PHF24: variants seen among roughly 807,000 people sequenced by gnomAD.
PHF24 encodes the protein Galpha inhibitory interacting protein.
PHF24 carries 25 observed loss-of-function variants against 42.6 expected under a neutral mutation model. The ratio of observed to expected loss-of-function variants is 0.59; its 90% CI spans 0.43 to 0.82. The LOEUF (loss-of-function observed/expected upper bound fraction) is 0.82, where lower values mean the gene tolerates loss of function less well. Ranked by LOEUF, PHF24 falls within the 40% of genes least tolerant of loss-of-function variation. The pLI is 0.00. For missense variants in PHF24, 470 were observed against 538.1 expected, an observed-to-expected ratio of 0.87 and a Z score of 1.25; for synonymous variants, 185 against 204.8, an observed-to-expected ratio of 0.90 and a Z score of 0.83.
chr9:34,751,012 C>T, the PHF24 span, among the ~76,000 whole-genome samples: 1 of 152,134 alleles, frequency 6.6e-6, no homozygotes, highest in Non-Finnish European at 1.5e-5. Flanking sequence ...TATAAAGACA[C>T]ATATGGGCTG....
intron 1 of PHF24, among the ~76,000 whole-genome samples, chr9:34,963,621 G>C (rs1375384098): frequency 6.6e-6 from 1 of 152,216 alleles, no homozygotes; most frequent in Non-Finnish European, 1.5e-5. Context: ...ATAGTCCACA[G>C]GACACAGCAT....
chr9:34,806,617 C>A, the PHF24 span, among the ~76,000 whole-genome samples: 2 of 152,066 alleles, frequency 1.3e-5, no homozygotes, highest in African/African-American at 2.4e-5. Context: ...TGCCACCATG[C>A]CAAGCTAATT....
chr9:34,965,692 G>A (rs576741125), intron 1 of PHF24, among the ~76,000 whole-genome samples: 23 of 152,250 alleles, frequency 1.5e-4, no homozygotes, highest in African/African-American at 5.3e-4. Context: ...GGGTTGTAGC[G>A]GATCTACAGT....
the PHF24 span, among the ~76,000 whole-genome samples, chr9:34,798,202 A>G: frequency 6.6e-6 from 1 of 152,172 alleles, no homozygotes; most frequent in Non-Finnish European, 1.5e-5. Context: ...CTATCTGTTA[A>G]TATAAGTCAT....
intron 1 of PHF24, among the ~76,000 whole-genome samples, chr9:34,962,915 T>C (rs1269781829): frequency 6.6e-6 from 1 of 152,212 alleles, no homozygotes; most frequent in Non-Finnish European, 1.5e-5. Flanking sequence ...TGCCTTGTAG[T>C]CTTGAGCTGA....
the PHF24 span, among the ~76,000 whole-genome samples, chr9:34,769,093 AG>A: frequency 2.0e-5 from 3 of 152,220 alleles, no homozygotes; most frequent in East Asian, 3.8e-4. Flanking sequence ...TTGAGAAAAA[AG>A]GTAAATCATT....
chr9:34,673,038 CT>C, the PHF24 span, among the ~76,000 whole-genome samples: 1 of 152,228 alleles, frequency 6.6e-6, no homozygotes, highest in African/African-American at 2.4e-5. Flanking sequence ...AGCAACCTGT[CT>C]ATGACAGGAA....
the PHF24 span, among the ~76,000 whole-genome samples, chr9:34,721,491 T>G: frequency 1.2e-4 from 18 of 152,008 alleles, no homozygotes; most frequent in South Asian, 3.7e-3. Flanking sequence ...CTGGGCTCAC[T>G]GCAACCTCCA....
At chr9:34,755,673 T>C in the PHF24 span, among the ~76,000 whole-genome samples, 1 of 152,110 alleles carries the variant, frequency 6.6e-6, no homozygotes, top group Non-Finnish European at 1.5e-5. Context: ...AGAGACAGGG[T>C]CTTGCTCTGT....
chr9:34,928,671 C>T, the PHF24 span, among the ~76,000 whole-genome samples: 1 of 152,192 alleles, frequency 6.6e-6, no homozygotes, highest in Admixed American at 6.5e-5. Flanking sequence ...TATGGGAGCA[C>T]AGTGTCTGTA....
the PHF24 span, among the ~76,000 whole-genome samples, chr9:34,806,969 G>C: frequency 8.0e-4 from 122 of 152,068 alleles, no homozygotes; most frequent in Non-Finnish European, 1.5e-3. Flanking sequence ...AGTATTTTCT[G>C]TATACAAGAT....
chr9:34,858,863 T>A, the PHF24 span, among the ~76,000 whole-genome samples: 7 of 152,246 alleles, frequency 4.6e-5, no homozygotes, highest in Non-Finnish European at 1.0e-4. Context: ...GTATGCCTAG[T>A]GACTTGTTGT....
chr9:34,971,149 A>G, intron 1 of PHF24, 146 bp from the exon 2 acceptor site: 2 of 622,648 alleles, frequency 3.2e-6, no homozygotes, highest in Non-Finnish European at 5.1e-6. Context: ...ACATCTTCTG[A>G]TCCTTAACAT....
chr9:34,857,930 T>G, the PHF24 span, among the ~76,000 whole-genome samples: 1 of 151,868 alleles, frequency 6.6e-6, no homozygotes, highest in African/African-American at 2.4e-5. Context: ...AATTTCTAAC[T>G]TTGGTTATTT....
At chr9:34,949,267 A>G in the PHF24 span, among the ~76,000 whole-genome samples, 1 of 152,206 alleles carries the variant, frequency 6.6e-6, no homozygotes, top group Non-Finnish European at 1.5e-5. Context: ...TAGGTGATAA[A>G]TAGAGAAATG....
the PHF24 span, among the ~76,000 whole-genome samples, chr9:34,921,158 G>A: frequency 3.9e-3 from 584 of 151,258 alleles, 1 homozygote; most frequent in South Asian, 0.026. Context: ...GTTGAGGTAT[G>A]TCTCATCTAT....
the PHF24 span, among the ~76,000 whole-genome samples, chr9:34,876,384 A>G: frequency 6.6e-6 from 1 of 152,312 alleles, no homozygotes; most frequent in South Asian, 2.1e-4. Context: ...TACTAAGTGA[A>G]GAAGTCAATC....
chr9:34,918,102 A>G, the PHF24 span: 42 of 1,544,098 alleles, frequency 2.7e-5, no homozygotes, highest in Non-Finnish European at 3.6e-5. Flanking sequence ...CTCCAACATC[A>G]ACAACTTTTC....
the PHF24 span, chr9:34,726,940 T>C: frequency 3.9e-6 from 6 of 1,551,402 alleles, no homozygotes; most frequent in Non-Finnish European, 5.2e-6. Context: ...AGCAGGGATC[T>C]GCACACAGGA....
Sources: gnomAD v4.1 joint callset for allele counts (sites outside exome capture counted in the v4.1 genomes callset) on GRCh38, gnomAD v4.1.1 for gene constraint, MANE v1.5 for transcripts, NCBI Gene and HGNC (gene_info 2026-07-23, HGNC 2026-07-21) for gene names.